NEK10: variants seen among roughly 807,000 people sequenced by gnomAD.
The protein encoded by NEK10 is NIMA related kinase 10, also known as serine/threonine-protein kinase Nek10.
Under a neutral mutation model 159.8 loss-of-function variants are expected in NEK10, and 122 were observed. That is an observed-to-expected ratio of 0.76 (90% CI 0.66 to 0.89). The LOEUF (loss-of-function observed/expected upper bound fraction) is 0.89, where lower values mean the gene tolerates loss of function less well. Among genes scored for constraint, NEK10 ranks in the 40% least tolerant of loss-of-function variants. NEK10 has a pLI of 0.00. For missense variants in NEK10, 1,342 were observed against 1,323.1 expected, an observed-to-expected ratio of 1.01 and a Z score of -0.22; for synonymous variants, 466 against 457.1, an observed-to-expected ratio of 1.02 and a Z score of -0.25.
At chr3:27,204,763 T>A (rs1950381032) in intron 23 of NEK10, among the ~76,000 whole-genome samples, 1 of 142,040 alleles carries the variant, frequency 7.0e-6, no homozygotes, top group African/African-American at 2.5e-5. Context: ...GATGCCGCAA[T>A]AAACACACGT....
intron 22 of NEK10, among the ~76,000 whole-genome samples, chr3:27,261,949 G>A (rs879084616): frequency 1.3e-5 from 2 of 152,128 alleles, no homozygotes; most frequent in African/African-American, 4.8e-5. Context: ...AGCTCTTCTT[G>A]TTGAATTGAT....
chr3:27,359,463 T>C (rs2048535779), intron 1 of NEK10, among the ~76,000 whole-genome samples: 1 of 152,190 alleles, frequency 6.6e-6, no homozygotes, highest in African/African-American at 2.4e-5. Context: ...CAAAGGGACA[T>C]ATTAAAAGAA....
intron 23 of NEK10, among the ~76,000 whole-genome samples, chr3:27,244,237 G>A (rs1373768): frequency 0.26 from 39,110 of 152,074 alleles, 5,185 homozygotes; most frequent in Middle Eastern, 0.38. Flanking sequence ...AGACACTCTG[G>A]AGATACACCA....
At chr3:27,157,302 T>G (rs941658069) in intron 30 of NEK10, among the ~76,000 whole-genome samples, 1 of 151,826 alleles carries the variant, frequency 6.6e-6, no homozygotes, top group Admixed American at 6.6e-5. Context: ...CAATAACTTA[T>G]GGAAAGAAAT....
chr3:27,163,197 A>G (rs1000818432), intron 29 of NEK10, among the ~76,000 whole-genome samples: 5 of 152,100 alleles, frequency 3.3e-5, no homozygotes, highest in Non-Finnish European at 7.4e-5. Flanking sequence ...AGTGTTATTA[A>G]CATCCCTTGT....
intron 1 of NEK10, among the ~76,000 whole-genome samples, chr3:27,359,214 A>AT (rs2048521434): frequency 6.6e-6 from 1 of 151,852 alleles, no homozygotes; most frequent in Non-Finnish European, 1.5e-5. Context: ...AAAAAAAAAA[A>AT]AAATCAATCA....
rs1257396215 is a variant in NEK10 at position 27,171,874 on chromosome 3, C to G, written c.2777-1G>C. On this transcript the variant is annotated splice_acceptor_variant, in intron 28 of 35. Coordinates refer to ENST00000691995, the MANE Select transcript of NEK10 (RefSeq NM_001394966.1). LOFTEE classifies it high-confidence loss of function. Reference sequence around the variant, plus strand: ...GCACTAAAACTTCTCTTTAAAATGTCTGAGACGAGAAAATAGAAATAACTT... The same window carrying G: ...GCACTAAAACTTCTCTTTAAAATGTGTGAGACGAGAAAATAGAAATAACTT... The G allele has an allele frequency of 1.2e-6, 2 of 1,611,986 alleles. No homozygotes were observed. Among genetic ancestry groups the G allele is most frequent in the Admixed American group, 1.7e-5 (1 of 59,746 alleles).
At chr3:27,221,726 T>C (rs1479937454) in intron 23 of NEK10, among the ~76,000 whole-genome samples, 1 of 152,150 alleles carries the variant, frequency 6.6e-6, no homozygotes, top group Non-Finnish European at 1.5e-5. Flanking sequence ...ATGTTACAGC[T>C]TCTGGAGGGA....
Position 27,346,351 on chromosome 3 carries a change from T to C in NEK10, c.133-135A>G, listed in dbSNP as rs185748279. On this transcript the variant is annotated intron_variant, in intron 3 of 35. Transcript: ENST00000691995. ...ATTAAGATAACAACCCTTTCAAATG[T>C]AAGGGTTTTCCAAGATTCAAATCAA... 6.4e-5 allele frequency: 57 copies of C among 884,886 alleles called. No homozygotes were observed. The African/African-American group carries it at 8.5e-4, about 13-fold the overall frequency. 54.8% of individuals were successfully genotyped at this position (884,886 alleles called of 1,614,324 possible). A position where few individuals can be genotyped will look rare whatever the true frequency, so the allele number is the denominator to read the frequency against.
intron 16 of NEK10, 50 bp from the exon 17 acceptor site, chr3:27,291,636 C>T (rs759319233): frequency 1.3e-5 from 13 of 1,024,732 alleles, no homozygotes; most frequent in Non-Finnish European, 1.8e-5. Flanking sequence ...CACAGTTGAT[C>T]ATTACTTCCC....
At chr3:27,262,246 T>C (rs2040479560) in intron 22 of NEK10, among the ~76,000 whole-genome samples, 1 of 152,232 alleles carries the variant, frequency 6.6e-6, no homozygotes, top group South Asian at 2.1e-4. Flanking sequence ...CTGACCTTTC[T>C]CTCTGGCTGC....
intron 23 of NEK10, among the ~76,000 whole-genome samples, chr3:27,219,060 A>G (rs558165138): frequency 6.6e-6 from 1 of 152,244 alleles, no homozygotes; most frequent in African/African-American, 2.4e-5. Context: ...AAAATTTATA[A>G]TTGTTCATTC....
intron 23 of NEK10, among the ~76,000 whole-genome samples, chr3:27,207,110 C>G (rs1186723847): frequency 6.6e-6 from 1 of 152,206 alleles, no homozygotes; most frequent in Non-Finnish European, 1.5e-5. Context: ...TTTCTGATGT[C>G]AAGAGCTAAT....
chr3:27,112,098 C>G (rs983344696), intron 35 of NEK10, among the ~76,000 whole-genome samples: 6 of 152,146 alleles, frequency 3.9e-5, no homozygotes, highest in African/African-American at 1.4e-4. Context: ...TCTTTCTGTT[C>G]CTGTTACCAT....
At chr3:27,348,999 T>G (rs6551194) in intron 3 of NEK10, among the ~76,000 whole-genome samples, 114,912 of 151,900 alleles carry the variant, frequency 0.76, 43,645 homozygotes, top group East Asian at 0.88. Flanking sequence ...CAGACATTGC[T>G]TGAGACACTG....
chr3:27,160,601 C>G, intron 30 of NEK10, among the ~76,000 whole-genome samples: 1 of 152,112 alleles, frequency 6.6e-6, no homozygotes, highest in Non-Finnish European at 1.5e-5. Context: ...TGTACAAAAT[C>G]TAGCACTCAC....
intron 11 of NEK10, among the ~76,000 whole-genome samples, chr3:27,305,614 TAAA>T (rs760028989): frequency 1.8e-5 from 2 of 112,352 alleles, no homozygotes; most frequent in Admixed American, 1.6e-4. Context: ...TGCTAAAGAC[TAAA>T]AAAAAAAAAA....
intron 23 of NEK10, among the ~76,000 whole-genome samples, chr3:27,227,813 T>C (rs184908983): frequency 6.6e-6 from 1 of 152,368 alleles, no homozygotes; most frequent in East Asian, 1.9e-4. Context: ...AAGGTCCCTG[T>C]TGATCTGAGA....
intron 8 of NEK10, 132 bp from the exon 9 acceptor site, chr3:27,311,148 G>C: frequency 1.9e-6 from 1 of 533,666 alleles, no homozygotes. Flanking sequence ...AGGAACAACA[G>C]ATGCAGGAGC....
Sources: gnomAD v4.1 joint callset for allele counts (sites outside exome capture counted in the v4.1 genomes callset) on GRCh38, gnomAD v4.1.1 for gene constraint, MANE v1.5 for transcripts, NCBI Gene and HGNC (gene_info 2026-07-23, HGNC 2026-07-21) for gene names.